EEFSEC: variants seen among roughly 807,000 people sequenced by gnomAD.
The protein encoded by EEFSEC is eukaryotic elongation factor, selenocysteine-tRNA specific.
In EEFSEC, 43 loss-of-function variants were observed where a neutral mutation model predicts 42.1. The ratio of observed to expected loss-of-function variants is 1.02; its 90% CI spans 0.80 to 1.32. The LOEUF (loss-of-function observed/expected upper bound fraction) is 1.32, where lower values mean the gene tolerates loss of function less well. EEFSEC is among the 40% of genes most tolerant of loss of function. The pLI is 0.00. For synonymous variants in EEFSEC, 354 were observed against 339.1 expected (o/e 1.04, Z -0.48); for missense variants, 745 against 803.6 (o/e 0.93, Z 0.88).
At chr3:128,410,825 A>T (rs2068168590), downstream of EEFSEC, among the ~76,000 whole-genome samples, 1 of 152,104 alleles carries the variant, frequency 6.6e-6, no homozygotes, top group Admixed American at 6.5e-5. Flanking sequence ...AACTCTGTGC[A>T]GGCGTCCACC....
chr3:128,224,074 A>G lies in EEFSEC; in HGVS notation c.317-22762A>G, dbSNP rs117624702. Among the ~76,000 whole-genome samples, 62 of 151,970 alleles carry G rather than the reference A, an allele frequency of 4.1e-4. No individual in the cohort carries two copies. The East Asian group carries it at 0.012, about 28-fold the overall frequency. On this transcript the variant is annotated intron_variant, in intron 1 of 6. Transcript: ENST00000254730. ...ATTCTCTTTTCATTTGTGCAGGTCT[A>G]CAGTTTTTTTGTTTTTACCTTAGAG...
chr3:128,409,706 A>C (rs1443965409), downstream of EEFSEC, among the ~76,000 whole-genome samples: 1 of 152,202 alleles, frequency 6.6e-6, no homozygotes, highest in Non-Finnish European at 1.5e-5. Flanking sequence ...ACTGTGAATC[A>C]GGACAGCCCT....
At chr3:128,306,859 C>A (rs2066832817) in intron 4 of EEFSEC, among the ~76,000 whole-genome samples, 2 of 152,260 alleles carry the variant, frequency 1.3e-5, no homozygotes, top group South Asian at 4.1e-4. Flanking sequence ...TGATTCATCC[C>A]CAATCCAAGG....
intron 1 of EEFSEC, among the ~76,000 whole-genome samples, chr3:128,167,566 G>C (rs2065253658): frequency 6.6e-6 from 1 of 152,210 alleles, no homozygotes; most frequent in Non-Finnish European, 1.5e-5. Context: ...ACTTTGCGTA[G>C]CAAAGTAGTT....
intron 1 of EEFSEC, among the ~76,000 whole-genome samples, chr3:128,222,262 A>T (rs1010679936): frequency 1.3e-5 from 2 of 151,978 alleles, no homozygotes; most frequent in Non-Finnish European, 2.9e-5. Context: ...CGAACTCCTG[A>T]CCTCAGATGA....
chr3:128,407,387 T>C (rs142633331), intron 6 of EEFSEC, among the ~76,000 whole-genome samples: 1 of 152,272 alleles, frequency 6.6e-6, no homozygotes, highest in East Asian at 1.9e-4. Flanking sequence ...TGGGGTGTCC[T>C]GATGGGAGCA....
intron 4 of EEFSEC, among the ~76,000 whole-genome samples, chr3:128,273,886 G>A (rs1576598170): frequency 6.6e-6 from 1 of 152,330 alleles, no homozygotes; most frequent in East Asian, 1.9e-4. Context: ...TGCCAGCTCA[G>A]TCTGGTCGTG....
intron 4 of EEFSEC, among the ~76,000 whole-genome samples, chr3:128,271,892 C>T (rs766264077): frequency 2.0e-5 from 3 of 152,134 alleles, no homozygotes; most frequent in African/African-American, 4.8e-5. Flanking sequence ...GTGCATGGCA[C>T]GGAAGGCAGA....
At chr3:128,213,688 C>T (rs1409618177) in intron 1 of EEFSEC, among the ~76,000 whole-genome samples, 1 of 151,940 alleles carries the variant, frequency 6.6e-6, no homozygotes, top group Non-Finnish European at 1.5e-5. Context: ...GACCAGTGGA[C>T]AGGCACATTA....
intron 4 of EEFSEC, among the ~76,000 whole-genome samples, chr3:128,334,937 G>C (rs954991578): frequency 2.0e-5 from 3 of 152,230 alleles, no homozygotes; most frequent in African/African-American, 7.2e-5. Context: ...CCCCGCCTGG[G>C]ACACTGGGGG....
chr3:128,313,296 A>C (rs1057495591), intron 4 of EEFSEC, among the ~76,000 whole-genome samples: 1 of 152,236 alleles, frequency 6.6e-6, no homozygotes, highest in African/African-American at 2.4e-5. Context: ...TGTGAAAGCC[A>C]AGGACAGGGC....
At chr3:128,333,675 G>A (rs1477876858) in intron 4 of EEFSEC, among the ~76,000 whole-genome samples, 2 of 152,132 alleles carry the variant, frequency 1.3e-5, no homozygotes, top group African/African-American at 2.4e-5. Flanking sequence ...AATGCAGCTC[G>A]TGTGCACTTC....
At chr3:128,391,288 G>T (rs376225359) in intron 6 of EEFSEC, among the ~76,000 whole-genome samples, 1 of 152,210 alleles carries the variant, frequency 6.6e-6, no homozygotes, top group African/African-American at 2.4e-5. Flanking sequence ...GGCAAGAAAC[G>T]AAATGGTCTC....
intron 4 of EEFSEC, among the ~76,000 whole-genome samples, chr3:128,279,111 T>G (rs2066497953): frequency 6.6e-6 from 1 of 152,164 alleles, no homozygotes; most frequent in Non-Finnish European, 1.5e-5. Context: ...GAGGGAACGC[T>G]GCCAAGCAGA....
At chr3:128,255,804 G>T (rs2066236121) in intron 2 of EEFSEC, among the ~76,000 whole-genome samples, 1 of 152,006 alleles carries the variant, frequency 6.6e-6, no homozygotes, top group Non-Finnish European at 1.5e-5. Flanking sequence ...GGCTGTAGGA[G>T]TCTCTGGATG....
intron 1 of EEFSEC, among the ~76,000 whole-genome samples, chr3:128,163,249 C>T (rs1172606625): frequency 2.0e-5 from 3 of 151,886 alleles, no homozygotes; most frequent in Admixed American, 2.0e-4. Flanking sequence ...TCTGAGGCAG[C>T]CTCATGGTAG....
At chr3:128,341,191 G>A (rs1235425164) in intron 4 of EEFSEC, 42 bp from the exon 5 acceptor site, 1 of 1,558,178 alleles carries the variant, frequency 6.4e-7, no homozygotes, top group African/African-American at 1.4e-5. Flanking sequence ...ACAGCCCCGA[G>A]GCTTGTTGGT....
intron 1 of EEFSEC, among the ~76,000 whole-genome samples, chr3:128,187,386 G>C (rs149135097): frequency 6.6e-6 from 1 of 152,196 alleles, no homozygotes; most frequent in Non-Finnish European, 1.5e-5. Flanking sequence ...GCTGGGAGCT[G>C]TTCTGCTTCT....
chr3:128,161,235 C>T (rs2065183868), intron 1 of EEFSEC, among the ~76,000 whole-genome samples: 1 of 152,122 alleles, frequency 6.6e-6, no homozygotes, highest in Non-Finnish European at 1.5e-5. Context: ...TTCAGGGTTA[C>T]AACTTCAAAA....
Sources: allele counts gnomAD v4.1 joint callset (sites outside exome capture counted in the v4.1 genomes callset), GRCh38; gene constraint gnomAD v4.1.1; transcripts MANE v1.5; gene names NCBI Gene and HGNC (gene_info 2026-07-23, HGNC 2026-07-21).